The following CAMTA1 variants were observed in gnomAD, a reference collection of about 807,000 sequenced individuals.
The protein encoded by CAMTA1 is calmodulin-binding transcription activator 1.
In CAMTA1, 27 loss-of-function variants were observed where a neutral mutation model predicts 170.9. The ratio of observed to expected loss-of-function variants is 0.16; its 90% confidence interval spans 0.12 to 0.22. CAMTA1 has a LOEUF of 0.22. CAMTA1 is among the 10% of genes least tolerant of loss of function. The probability of loss-of-function intolerance (pLI) is 1.00; values close to 1 mark genes in which losing one functional copy is unlikely to be tolerated. For synonymous variants in CAMTA1, 833 were observed against 891.5 expected (o/e 0.93, Z 1.17); for missense variants, 1,619 against 2,217.2 (o/e 0.73, Z 5.42).
At chr1:7,601,085 G>T (rs1310407806) in intron 6 of CAMTA1, among the ~76,000 whole-genome samples, 3 of 147,378 alleles carry the variant, frequency 2.0e-5, no homozygotes, top group Non-Finnish European at 3.0e-5. Context: ...CTCACCTCCC[G>T]GAAGGGGCGG....
intron 6 of CAMTA1, among the ~76,000 whole-genome samples, chr1:7,512,106 T>A (rs949068254): frequency 1.4e-4 from 21 of 152,210 alleles, no homozygotes; most frequent in Admixed American, 1.2e-3. Context: ...TGTCAGCTCA[T>A]GAAAGTGCTT....
chr1:7,470,796 C>T lies in CAMTA1; in HGVS notation c.510+2895C>T, dbSNP rs114613396. On this transcript the variant is annotated intron_variant, in intron 6 of 22. Transcript: ENST00000303635. ...CCGCCTCCTGCCGGCCCACTGTGAACTCGCTCCTGCCCTCTGAGATGCTCC... is the reference window on the plus strand; with the variant it reads ...CCGCCTCCTGCCGGCCCACTGTGAATTCGCTCCTGCCCTCTGAGATGCTCC... Among the ~76,000 whole-genome samples, 603 of 152,348 alleles carry T rather than the reference C, an allele frequency of 4.0e-3. 3 individuals are homozygous for T. Among genetic ancestry groups the T allele is most frequent in the African/African-American group, 0.014 (581 of 41,572 alleles).
chr1:6,943,753 A>G (rs1687095791), intron 3 of CAMTA1, among the ~76,000 whole-genome samples: 2 of 149,470 alleles, frequency 1.3e-5, no homozygotes, highest in Non-Finnish European at 3.0e-5. Flanking sequence ...AGGCTGAGGC[A>G]GTAGAATCGC....
intron 6 of CAMTA1, among the ~76,000 whole-genome samples, chr1:7,607,820 T>C (rs1371196712): frequency 6.6e-6 from 1 of 152,200 alleles, no homozygotes; most frequent in East Asian, 1.9e-4. Context: ...AACAAAATCA[T>C]AGTAGATTCT....
At chr1:7,265,065 G>T (rs74568857) in intron 5 of CAMTA1, among the ~76,000 whole-genome samples, 2 of 152,152 alleles carry the variant, frequency 1.3e-5, no homozygotes, top group African/African-American at 4.8e-5. Context: ...TTCTGGCCTC[G>T]TGCTTGTCTT....
chr1:7,103,956 TACA>T lies in CAMTA1; in HGVS notation c.302+12588_302+12590del, dbSNP rs1643220503. 2.4e-5 allele frequency among the ~76,000 whole-genome samples: 3 copies of T among 123,736 alleles called. No homozygotes were observed. In the East Asian group the frequency reaches 7.6e-4, roughly 31 times the overall value. 81.2% of individuals were successfully genotyped at this position (123,736 alleles called of 152,430 possible). A position where few individuals can be genotyped will look rare whatever the true frequency, so the allele number is the denominator to read the frequency against. On this transcript the variant is annotated intron_variant, in intron 4 of 22. Coordinates refer to ENST00000303635, the MANE Select transcript of CAMTA1 (RefSeq NM_015215.4). ...TACACACATACAGCACACACGTACA[TACA>T]ACTACACACACGCACACACAACACA... is the stretch of plus-strand genomic sequence containing the variant.
Position 7,677,715 on chromosome 1 carries a change from G to C in CAMTA1, c.2896G>C (p.Asp966His). The C allele has an allele frequency of 1.2e-6, 2 of 1,613,900 alleles. No individual in the cohort carries two copies. The highest frequency in any genetic ancestry group is 1.7e-6 in the Non-Finnish European group (2 of 1,179,944). Residue 966 changes from aspartate (D) to histidine (H), a missense_variant, in exon 11 of 23, where the codon GAC (aspartate) becomes CAC (histidine). This residue lies in a region of CAMTA1 where 143 missense variants were observed against 184.2 expected (regional missense o/e 0.78). Transcript: ENST00000303635. The part of the protein sequence containing the change: ...ALPTLPSSQH[D>H]WLSLDDNQFR... ...GCCCACGCTCCCTTCCTCCCAGCAC[G>C]ACTGGCTGTCGTTGGACGGTAAGAA...
intron 4 of CAMTA1, among the ~76,000 whole-genome samples, chr1:7,202,778 T>C (rs1656951134): frequency 6.6e-6 from 1 of 152,198 alleles, no homozygotes; most frequent in Non-Finnish European, 1.5e-5. Flanking sequence ...TAGTGTTTTT[T>C]AGTGGATTCC....
At chr1:6,981,201 G>A (rs979084809) in intron 3 of CAMTA1, among the ~76,000 whole-genome samples, 4 of 152,150 alleles carry the variant, frequency 2.6e-5, no homozygotes, top group Non-Finnish European at 5.9e-5. Context: ...GTGCCAAGTT[G>A]AAGAAAAAGA....
At position 7,631,259 on chromosome 1, in the gene CAMTA1, C is replaced by A. The variant is rs11120993; in HGVS notation, c.511-9141C>A. Among the ~76,000 whole-genome samples, 699 of 152,316 alleles carry A rather than the reference C, an allele frequency of 4.6e-3. 4 individuals are homozygous for A. The highest frequency in any genetic ancestry group is 0.016 in the African/African-American group (651 of 41,562). ...CGGGCTCCCTGGACCTACTTTTGCT[C>A]TGGCATAGACATGAACTGGGCTGCT... On this transcript the variant is annotated intron_variant, in intron 6 of 22. Transcript: ENST00000303635.
chr1:7,367,501 C>T lies in CAMTA1; in HGVS notation c.439-100329C>T, dbSNP rs539886698. ...GGAGCTGAACACCTTGCAGCTGACA[C>T]TGGCTCTTGTATCCTTGGCCAGCAC... On this transcript the variant is annotated intron_variant, in intron 5 of 22. Coordinates refer to ENST00000303635, the MANE Select transcript of CAMTA1 (RefSeq NM_015215.4). Among the ~76,000 whole-genome samples, 476 of 152,362 alleles carry T rather than the reference C, an allele frequency of 3.1e-3. 1 individual carries two copies. Among genetic ancestry groups the T allele is most frequent in the Non-Finnish European group, 4.8e-3 (324 of 68,044 alleles).
chr1:6,877,669 C>T (rs746019044), intron 3 of CAMTA1, among the ~76,000 whole-genome samples: 3 of 152,194 alleles, frequency 2.0e-5, no homozygotes, highest in Non-Finnish European at 4.4e-5. Context: ...GTCGCAAATA[C>T]TCCATATGAC....
intron 4 of CAMTA1, among the ~76,000 whole-genome samples, chr1:7,109,080 C>T (rs1319218430): frequency 6.6e-6 from 1 of 152,240 alleles, no homozygotes; most frequent in Non-Finnish European, 1.5e-5. Flanking sequence ...GGGCAGCTTG[C>T]TTTATCAGAG....
intron 3 of CAMTA1, chr1:6,853,136 G>A (rs1054998474): frequency 1.3e-5 from 2 of 152,158 alleles, no homozygotes; most frequent in African/African-American, 4.8e-5. Context: ...GATCCTGCAT[G>A]GCAGCTTTAA....
chr1:7,005,622 A>G (rs1002414827), intron 3 of CAMTA1, among the ~76,000 whole-genome samples: 2 of 152,180 alleles, frequency 1.3e-5, no homozygotes, highest in African/African-American at 4.8e-5. Context: ...ATTAATATCT[A>G]GGCAATGACA....
At chr1:7,471,118 G>A (rs955408093) in intron 6 of CAMTA1, among the ~76,000 whole-genome samples, 5 of 152,236 alleles carry the variant, frequency 3.3e-5, no homozygotes, top group African/African-American at 7.2e-5. Flanking sequence ...GACGTGGCAC[G>A]TAAGCTTCTG....
In CAMTA1 at chr1:7,144,497, C is replaced by T. The variant is rs1250531265; in HGVS notation, c.302+53126C>T. On this transcript the variant is annotated intron_variant, in intron 4 of 22. Transcript: ENST00000303635. The surrounding 1 kb of genome is among the most constrained non-coding windows in gnomAD (Gnocchi z 4.0). ...TTTTGGGGGACACAATTCAACCCCT[C>T]ATGCTATCAGGACCGATATATATAA... Among the ~76,000 whole-genome samples, 1 of 152,134 alleles carries T rather than the reference C, an allele frequency of 6.6e-6. No homozygotes were observed.
chr1:7,139,156 TAA>T (rs1379594478), intron 4 of CAMTA1, among the ~76,000 whole-genome samples: 11 of 142,602 alleles, frequency 7.7e-5, no homozygotes, highest in African/African-American at 2.5e-4. Context: ...TATATAAATA[TAA>T]ATATATATAA....
rs1666303185 is a variant in CAMTA1 at position 7,249,426 on chromosome 1, A to G, written c.303-65A>G. The G allele has an allele frequency of 6.9e-7, 1 of 1,454,532 alleles. No individual in the cohort carries two copies. Among genetic ancestry groups the G allele is most frequent in the Admixed American group, 2.0e-5 (1 of 51,242 alleles). The allele number at this position is 1,454,532 out of a possible 1,614,324, so 90.1% of individuals were successfully genotyped here. ...GTAGAGACTTTTACTGGTCGATGATATCTTTCTTCATAAATTTTTCTTCTA... is the reference window on the plus strand; with the variant it reads ...GTAGAGACTTTTACTGGTCGATGATGTCTTTCTTCATAAATTTTTCTTCTA... On this transcript the variant is annotated intron_variant, in intron 4 of 22. Coordinates refer to ENST00000303635, the MANE Select transcript of CAMTA1 (RefSeq NM_015215.4). The surrounding 1 kb of genome is among the most constrained non-coding windows in gnomAD (Gnocchi z 4.4).
Sources: gnomAD v4.1 joint callset for allele counts (sites outside exome capture counted in the v4.1 genomes callset) on GRCh38, gnomAD v4.1.1 for gene constraint, gnomAD v4.1.1 regional missense constraint, Gnocchi (gnomAD v3.1) non-coding constraint, MANE v1.5 for transcripts, NCBI Gene and HGNC (gene_info 2026-07-23, HGNC 2026-07-21) for gene names.